The following NRXN1 variants were observed in gnomAD, a reference collection of about 807,000 sequenced individuals.
NRXN1 encodes the protein neurexin-1.
A neutral mutation model predicts 150.9 loss-of-function variants in NRXN1; 39 were observed. The ratio of observed to expected loss-of-function variants is 0.26; its 90% CI spans 0.20 to 0.34. The LOEUF (loss-of-function observed/expected upper bound fraction) is 0.34, where lower values mean the gene tolerates loss of function less well. NRXN1 is among the 10% of genes least tolerant of loss of function. NRXN1 has a pLI of 1.00. For synonymous variants in NRXN1, 924 were observed against 757.0 expected (o/e 1.22, Z -3.62); for missense variants, 1,815 against 1,949.9 (o/e 0.93, Z 1.30).
intron 5 of NRXN1, among the ~76,000 whole-genome samples, chr2:50,836,692 T>C (rs1350492768): frequency 6.6e-6 from 1 of 152,096 alleles, no homozygotes; most frequent in Non-Finnish European, 1.5e-5. Context: ...TATGCATATA[T>C]ACCACATTTT....
chr2:50,878,013 CA>C (rs142475874), intron 5 of NRXN1, among the ~76,000 whole-genome samples: 11,531 of 151,954 alleles, frequency 0.076, 549 homozygotes, highest in Non-Finnish European at 0.1. Flanking sequence ...AAAGGGACTG[CA>C]AGTTCTGTTT....
intron 21 of NRXN1, among the ~76,000 whole-genome samples, chr2:50,039,149 C>G (rs1300775390): frequency 6.6e-6 from 1 of 152,000 alleles, no homozygotes; most frequent in African/African-American, 2.4e-5. Flanking sequence ...TGTACTCCAG[C>G]CTGAGCAACA....
At chr2:50,990,136 G>A (rs1192251675) in intron 2 of NRXN1, among the ~76,000 whole-genome samples, 1 of 151,804 alleles carries the variant, frequency 6.6e-6, no homozygotes, top group South Asian at 2.1e-4. Flanking sequence ...AAAATATTTT[G>A]ATCTTTTTTA....
intron 17 of NRXN1, among the ~76,000 whole-genome samples, chr2:50,356,990 G>C (rs2078862816): frequency 6.6e-6 from 1 of 152,024 alleles, no homozygotes. Context: ...GCCCTTAAAT[G>C]ATGAAAACTG....
chr2:50,383,952 G>A (rs988473527), intron 17 of NRXN1, among the ~76,000 whole-genome samples: 8 of 152,188 alleles, frequency 5.3e-5, no homozygotes, highest in Admixed American at 1.3e-4. Flanking sequence ...AACTTACCCC[G>A]TTTATACATG....
chr2:50,190,452 C>G (rs2061370821), intron 18 of NRXN1, among the ~76,000 whole-genome samples: 1 of 151,996 alleles, frequency 6.6e-6, no homozygotes. Context: ...TATAGGCAAT[C>G]ATCATAAAAA....
intron 21 of NRXN1, among the ~76,000 whole-genome samples, chr2:49,980,506 C>T (rs1679820818): frequency 6.6e-6 from 1 of 152,132 alleles, no homozygotes; most frequent in African/African-American, 2.4e-5. Flanking sequence ...CAGAGAATAG[C>T]TTCACAGCAG....
At chr2:50,167,045 G>A (rs1429395945) in intron 18 of NRXN1, among the ~76,000 whole-genome samples, 1 of 152,134 alleles carries the variant, frequency 6.6e-6, no homozygotes, top group Non-Finnish European at 1.5e-5. Context: ...TAATTTTTAT[G>A]TTAAGGAGAG....
At chr2:50,392,322 A>T (rs1443095341) in intron 17 of NRXN1, among the ~76,000 whole-genome samples, 1 of 152,140 alleles carries the variant, frequency 6.6e-6, no homozygotes, top group Admixed American at 6.6e-5. Context: ...ATCCTGCTAC[A>T]TAAAGAGTTG....
At position 50,026,773 on chromosome 2, in the gene NRXN1, A is replaced by G. The variant is rs1192518273; in HGVS notation, c.4128+26498T>C. 2.6e-5 allele frequency among the ~76,000 whole-genome samples: 4 copies of G among 152,008 alleles called. No individual in the cohort carries two copies. The East Asian group carries it at 7.7e-4, about 29-fold the overall frequency. Reference sequence around the variant, plus strand: ...ACCCGAAAATGAAGCATGAAAAACAAGACAACTTGAGAGCAACTCACAGAA... The same window carrying G: ...ACCCGAAAATGAAGCATGAAAAACAGGACAACTTGAGAGCAACTCACAGAA... On this transcript the variant is annotated intron_variant, in intron 21 of 22. Coordinates refer to ENST00000401669, the MANE Select transcript of NRXN1 (RefSeq NM_001330078.2).
chr2:49,983,441 G>A (rs551933328), intron 21 of NRXN1, among the ~76,000 whole-genome samples: 2 of 152,078 alleles, frequency 1.3e-5, no homozygotes, highest in South Asian at 2.1e-4. Flanking sequence ...TTAGTACTAG[G>A]AACATTTATA....
intron 17 of NRXN1, among the ~76,000 whole-genome samples, chr2:50,465,150 G>C (rs945563832): frequency 1.3e-5 from 2 of 151,628 alleles, no homozygotes; most frequent in Non-Finnish European, 2.9e-5. Flanking sequence ...AAAACCAAGG[G>C]AGAATTGTCA....
chr2:50,687,909 C>T (rs1157462316), intron 5 of NRXN1, among the ~76,000 whole-genome samples: 1 of 152,132 alleles, frequency 6.6e-6, no homozygotes, highest in Admixed American at 6.6e-5. Flanking sequence ...CTTTAGGCAA[C>T]TGTGGAGATC....
At chr2:50,047,254 T>C (rs1301474967) in intron 21 of NRXN1, among the ~76,000 whole-genome samples, 1 of 152,056 alleles carries the variant, frequency 6.6e-6, no homozygotes, top group Admixed American at 6.6e-5. Flanking sequence ...TATGCCTCAA[T>C]TTCCTCCTTT....
At chr2:50,403,011 T>A (rs1282286833) in intron 17 of NRXN1, among the ~76,000 whole-genome samples, 1 of 152,060 alleles carries the variant, frequency 6.6e-6, no homozygotes, top group Non-Finnish European at 1.5e-5. Context: ...GGGGAGACAC[T>A]TCCATTAACA....
At chr2:50,862,002 G>C (rs1351603443) in intron 5 of NRXN1, among the ~76,000 whole-genome samples, 1 of 151,906 alleles carries the variant, frequency 6.6e-6, no homozygotes, top group East Asian at 2.0e-4. Flanking sequence ...ACGAGTTCAA[G>C]ACCAGCCTGG....
At chr2:50,631,005 C>A in intron 5 of NRXN1, 1 of 396,606 alleles carries the variant, frequency 2.5e-6, no homozygotes, top group East Asian at 8.5e-5. Flanking sequence ...ATTAAATCCT[C>A]AGTCCTTAAG....
intron 19 of NRXN1, among the ~76,000 whole-genome samples, chr2:50,068,558 G>A (rs1210233469): frequency 1.3e-5 from 2 of 152,114 alleles, no homozygotes; most frequent in Non-Finnish European, 2.9e-5. Context: ...TGGATCAGTA[G>A]CATAACATCT....
intron 2 of NRXN1, among the ~76,000 whole-genome samples, chr2:50,957,323 G>T (rs1692435728): frequency 6.6e-6 from 1 of 152,050 alleles, no homozygotes; most frequent in South Asian, 2.1e-4. Flanking sequence ...ATATAAAAGG[G>T]GAATCATAAT....
Sources: gnomAD v4.1 joint callset for allele counts (sites outside exome capture counted in the v4.1 genomes callset) on GRCh38, gnomAD v4.1.1 for gene constraint, MANE v1.5 for transcripts, NCBI Gene and HGNC (gene_info 2026-07-23, HGNC 2026-07-21) for gene names.